ADGRL2: variants seen among roughly 807,000 people sequenced by gnomAD.
ADGRL2 encodes adhesion G protein-coupled receptor L2.
ADGRL2 carries 44 observed loss-of-function variants against 157.4 expected under a neutral mutation model. That is an observed-to-expected ratio of 0.28 (90% CI 0.22 to 0.36). The LOEUF (loss-of-function observed/expected upper bound fraction) is 0.36. ADGRL2 is among the 10% of genes least tolerant of loss of function. The pLI, the probability that ADGRL2 is intolerant of heterozygous loss-of-function variation, is 1.00. For synonymous variants in ADGRL2, 585 were observed against 624.7 expected (o/e 0.94, Z 0.95); for missense variants, 1,510 against 1,768.9 (o/e 0.85, Z 2.63).
At chr1:81,419,073 C>T (rs1347027346) in intron 1 of ADGRL2, among the ~76,000 whole-genome samples, 1 of 152,144 alleles carries the variant, frequency 6.6e-6, no homozygotes, top group Non-Finnish European at 1.5e-5. Flanking sequence ...AGAACTAAAG[C>T]TCAAAAGTAG....
chr1:81,476,812 T>A (rs1229931608), intron 2 of ADGRL2, among the ~76,000 whole-genome samples: 1 of 152,212 alleles, frequency 6.6e-6, no homozygotes, highest in Admixed American at 6.5e-5. Flanking sequence ...TTCTCCTTCA[T>A]TGACTATAGA....
intron 2 of ADGRL2, among the ~76,000 whole-genome samples, chr1:81,852,149 G>T (rs17107350): frequency 6.6e-6 from 1 of 151,760 alleles, no homozygotes; most frequent in Non-Finnish European, 1.5e-5. Flanking sequence ...TTACCACCTC[G>T]TTTTAAAACA....
chr1:81,449,496 C>T (rs1228053346), intron 2 of ADGRL2, among the ~76,000 whole-genome samples: 1 of 152,190 alleles, frequency 6.6e-6, no homozygotes, highest in Non-Finnish European at 1.5e-5. Flanking sequence ...CTGAAGCTTT[C>T]TTCTTATATA....
At chr1:81,375,670 G>C (rs2076236622) in intron 1 of ADGRL2, among the ~76,000 whole-genome samples, 1 of 152,078 alleles carries the variant, frequency 6.6e-6, no homozygotes. Flanking sequence ...TCAGTACTTG[G>C]AATCATCTTA....
intron 1 of ADGRL2, among the ~76,000 whole-genome samples, chr1:81,410,230 A>C (rs2076924577): frequency 6.6e-6 from 1 of 152,238 alleles, no homozygotes; most frequent in South Asian, 2.1e-4. Flanking sequence ...TGTCATAGTC[A>C]TACAATGATT....
At chr1:81,643,782 C>G (rs34037319) in intron 3 of ADGRL2, among the ~76,000 whole-genome samples, 17,729 of 152,164 alleles carry the variant, frequency 0.12, 1,118 homozygotes, top group Middle Eastern at 0.16. Flanking sequence ...ATTCCATATT[C>G]ATGGATAAGA....
At chr1:81,463,127 A>AAG (rs1184041046) in intron 2 of ADGRL2, among the ~76,000 whole-genome samples, 1 of 150,718 alleles carries the variant, frequency 6.6e-6, no homozygotes, top group Non-Finnish European at 1.5e-5. Context: ...AAAAAAAAAA[A>AAG]AAAAAAAGAA....
chr1:81,747,023 CGT>C (rs140354478), intron 1 of ADGRL2, among the ~76,000 whole-genome samples: 7 of 141,730 alleles, frequency 4.9e-5, no homozygotes, highest in Non-Finnish European at 1.1e-4. Context: ...TATGTATACA[CGT>C]GTATATACGT....
chr1:81,424,435 T>C (rs2077176547), intron 1 of ADGRL2, among the ~76,000 whole-genome samples: 1 of 152,186 alleles, frequency 6.6e-6, no homozygotes, highest in Non-Finnish European at 1.5e-5. Context: ...AAGCACACAC[T>C]AAACCACAGT....
intron 1 of ADGRL2, among the ~76,000 whole-genome samples, chr1:81,383,396 G>A (rs2076375728): frequency 6.6e-6 from 1 of 152,042 alleles, no homozygotes; most frequent in Non-Finnish European, 1.5e-5. Context: ...GTGGGAGGGA[G>A]GAACGGAATG....
chr1:81,618,738 A>C (rs1487306585), intron 3 of ADGRL2, among the ~76,000 whole-genome samples: 1 of 152,264 alleles, frequency 6.6e-6, no homozygotes, highest in Non-Finnish European at 1.5e-5. Context: ...AGAAGTTCAC[A>C]GTAATCATTC....
chr1:81,695,080 T>C (rs1259906225), upstream of ADGRL2, among the ~76,000 whole-genome samples: 1 of 152,118 alleles, frequency 6.6e-6, no homozygotes, highest in Non-Finnish European at 1.5e-5. Context: ...ATTCTTTGGT[T>C]ATTCCTATAA....
chr1:81,980,896 T>A, intron 18 of ADGRL2: 2 of 616,916 alleles, frequency 3.2e-6, no homozygotes, highest in Non-Finnish European at 6.1e-6. Flanking sequence ...TTTTACAAAT[T>A]CGTCAGTATC....
chr1:81,842,211 T>C (rs963625375), intron 2 of ADGRL2, among the ~76,000 whole-genome samples: 1 of 151,996 alleles, frequency 6.6e-6, no homozygotes, highest in Admixed American at 6.6e-5. Flanking sequence ...GATGAGATGA[T>C]TGATCATGAT....
At chr1:81,724,638 T>G (rs2084450124) in intron 1 of ADGRL2, among the ~76,000 whole-genome samples, 1 of 152,228 alleles carries the variant, frequency 6.6e-6, no homozygotes, top group African/African-American at 2.4e-5. Context: ...TACCTGACAT[T>G]GCTATGTTTC....
intron 3 of ADGRL2, among the ~76,000 whole-genome samples, chr1:81,625,054 T>C (rs888825870): frequency 2.0e-5 from 3 of 152,204 alleles, no homozygotes; most frequent in Non-Finnish European, 4.4e-5. Context: ...ATCTATAATA[T>C]ACAATTAATC....
intron 1 of ADGRL2, among the ~76,000 whole-genome samples, chr1:81,308,963 C>CTATATATATATATATATA (rs1659540118): frequency 6.6e-6 from 1 of 152,104 alleles, no homozygotes; most frequent in African/African-American, 2.4e-5. Flanking sequence ...AACTTTATGG[C>CTATATATATATATATATA]TATATATAAT....
chr1:81,690,354 A>G (rs891092698), intron 3 of ADGRL2, among the ~76,000 whole-genome samples: 1 of 152,094 alleles, frequency 6.6e-6, no homozygotes, highest in African/African-American at 2.4e-5. Flanking sequence ...TTAGCCAGGC[A>G]TGGTGGTGCA....
intron 1 of ADGRL2, among the ~76,000 whole-genome samples, chr1:81,745,634 G>T (rs2085220334): frequency 6.6e-6 from 1 of 152,072 alleles, no homozygotes; most frequent in African/African-American, 2.4e-5. Flanking sequence ...AGATAATAGG[G>T]TTCTACCTTG....
Sources: gnomAD v4.1 joint callset for allele counts (sites outside exome capture counted in the v4.1 genomes callset) on GRCh38, gnomAD v4.1.1 for gene constraint, MANE v1.5 for transcripts, NCBI Gene and HGNC (gene_info 2026-07-23, HGNC 2026-07-21) for gene names.